Variants in CYP4X1 observed in about 807,000 individuals in gnomAD.
CYP4X1 encodes the protein cytochrome P450 4X1.
CYP4X1 carries 44 observed loss-of-function variants against 57.9 expected under a neutral mutation model. The observed-to-expected ratio is 0.76, with a 90% CI of 0.60 to 0.98. The LOEUF (loss-of-function observed/expected upper bound fraction) is 0.98, where lower values mean the gene tolerates loss of function less well. Among genes scored for constraint, CYP4X1 ranks in the 50% least tolerant of loss-of-function variants. The probability of loss-of-function intolerance (pLI) is 0.00; values close to 1 mark genes in which losing one functional copy is unlikely to be tolerated. For missense variants in CYP4X1, 532 were observed against 623.9 expected (o/e 0.85, Z 1.57); for synonymous variants, 227 against 228.6 (o/e 0.99, Z 0.06).
the CYP4X1 span, among the ~76,000 whole-genome samples, chr1:47,006,822 C>T: frequency 2.0e-5 from 3 of 152,208 alleles, no homozygotes; most frequent in Non-Finnish European, 4.4e-5. Context: ...GCTCACGGAG[C>T]CTCGCTCATT....
At chr1:47,011,070 A>G in the CYP4X1 span, among the ~76,000 whole-genome samples, 6,401 of 152,292 alleles carry the variant, frequency 0.042, 446 homozygotes, top group African/African-American at 0.15. Context: ...TAAAGTTCAT[A>G]GAGAACCAAA....
At chr1:46,998,366 G>T in the CYP4X1 span, among the ~76,000 whole-genome samples, 2 of 151,934 alleles carry the variant, frequency 1.3e-5, no homozygotes, top group Non-Finnish European at 2.9e-5. Context: ...GTAGAGACAG[G>T]GTCTCCCTGT....
At chr1:47,030,903 G>A (rs996354795) in intron 2 of CYP4X1, among the ~76,000 whole-genome samples, 3 of 152,214 alleles carry the variant, frequency 2.0e-5, no homozygotes, top group African/African-American at 7.2e-5. Flanking sequence ...AGTGGGAAGT[G>A]TTGCTGACAC....
the CYP4X1 span, among the ~76,000 whole-genome samples, chr1:46,966,483 G>A: frequency 6.6e-5 from 10 of 152,148 alleles, no homozygotes; most frequent in East Asian, 1.9e-4. Context: ...GGGTGGGGTC[G>A]TACAATCAGT....
chr1:46,997,155 T>G, the CYP4X1 span, among the ~76,000 whole-genome samples: 1 of 152,352 alleles, frequency 6.6e-6, no homozygotes, highest in South Asian at 2.1e-4. Flanking sequence ...GAAGTATTTT[T>G]TTTGTAAATG....
chr1:47,008,858 C>T, the CYP4X1 span, among the ~76,000 whole-genome samples: 1 of 152,164 alleles, frequency 6.6e-6, no homozygotes, highest in Admixed American at 6.5e-5. Context: ...ATCAATACAA[C>T]AAGAAGAGCT....
chr1:46,963,230 G>A, the CYP4X1 span, among the ~76,000 whole-genome samples: 11 of 152,248 alleles, frequency 7.2e-5, no homozygotes, highest in East Asian at 1.4e-3. Context: ...GTGTCTTTTA[G>A]TTGGAGCATT....
chr1:46,977,066 T>A, the CYP4X1 span, among the ~76,000 whole-genome samples: 34 of 152,100 alleles, frequency 2.2e-4, no homozygotes, highest in Non-Finnish European at 4.1e-4. Flanking sequence ...GCACCTCTTC[T>A]CCTCCAAAGG....
At chr1:47,054,694 A>G (rs1251230299), downstream of CYP4X1, among the ~76,000 whole-genome samples, 16 of 152,016 alleles carry the variant, frequency 1.1e-4, no homozygotes, top group Admixed American at 4.6e-4. Context: ...GTGAATGGGA[A>G]TTCACTCATG....
At chr1:47,034,286 T>C (rs1017231519) in intron 4 of CYP4X1, among the ~76,000 whole-genome samples, 3 of 152,194 alleles carry the variant, frequency 2.0e-5, no homozygotes, top group African/African-American at 7.2e-5. Flanking sequence ...GAATTTCCTC[T>C]TGTAGATAGT....
chr1:46,981,077 G>A, the CYP4X1 span, among the ~76,000 whole-genome samples: 3 of 152,106 alleles, frequency 2.0e-5, no homozygotes, highest in African/African-American at 4.8e-5. Flanking sequence ...CACGGGTAAG[G>A]ACTTCATGAC....
chr1:47,014,459 T>C, the CYP4X1 span, among the ~76,000 whole-genome samples: 1 of 152,100 alleles, frequency 6.6e-6, no homozygotes, highest in African/African-American at 2.4e-5. Context: ...ACATTCCAAC[T>C]CTCCTTTCAC....
At chr1:47,046,375 C>T in intron 8 of CYP4X1, 92 bp from the exon 9 acceptor site, 1 of 1,555,296 alleles carries the variant, frequency 6.4e-7, no homozygotes, top group Non-Finnish European at 8.7e-7. Flanking sequence ...TGGCTTTAAC[C>T]TGAGGGTAAT....
At chr1:47,027,086 ATTTGT>A (rs1489941170) in intron 1 of CYP4X1, among the ~76,000 whole-genome samples, 14 of 151,270 alleles carry the variant, frequency 9.3e-5, no homozygotes, top group Admixed American at 7.9e-4. Context: ...TGTTAAATTT[ATTTGT>A]TTTGTTCTTT....
chr1:46,967,810 A>G, the CYP4X1 span: 1 of 1,360,750 alleles, frequency 7.3e-7, no homozygotes, highest in Non-Finnish European at 9.7e-7. Flanking sequence ...AAAGCGGAGC[A>G]GGGTCAGGGC....
At chr1:47,034,992 A>G (rs1432054646) in intron 4 of CYP4X1, among the ~76,000 whole-genome samples, 1 of 151,532 alleles carries the variant, frequency 6.6e-6, no homozygotes, top group East Asian at 2.0e-4. Flanking sequence ...TGACTAAACA[A>G]TTTGCACTTA....
chr1:46,983,969 G>C, the CYP4X1 span, among the ~76,000 whole-genome samples: 1 of 152,108 alleles, frequency 6.6e-6, no homozygotes, highest in Non-Finnish European at 1.5e-5. Flanking sequence ...GCATGCAAGA[G>C]AGCCAGGCCT....
the CYP4X1 span, among the ~76,000 whole-genome samples, chr1:46,973,713 T>C: frequency 6.6e-6 from 1 of 152,164 alleles, no homozygotes; most frequent in African/African-American, 2.4e-5. Flanking sequence ...TTTGTGTGCA[T>C]AGATGTGTTC....
chr1:47,030,851 C>T (rs1006311473), intron 2 of CYP4X1, among the ~76,000 whole-genome samples: 1 of 152,140 alleles, frequency 6.6e-6, no homozygotes, highest in Non-Finnish European at 1.5e-5. Flanking sequence ...TCCCCCTGCT[C>T]TGATTTGTGT....
Sources: gnomAD v4.1 joint callset for allele counts (sites outside exome capture counted in the v4.1 genomes callset) on GRCh38, gnomAD v4.1.1 for gene constraint, MANE v1.5 for transcripts, NCBI Gene and HGNC (gene_info 2026-07-23, HGNC 2026-07-21) for gene names.